Variants in ISYNA1 observed in about 807,000 individuals in gnomAD.
The protein encoded by ISYNA1 is inositol-3-phosphate synthase 1, also known as MI-1-P synthase.
A neutral mutation model predicts 50.3 loss-of-function variants in ISYNA1; 34 were observed. The ratio of observed to expected loss-of-function variants is 0.68; its 90% CI spans 0.51 to 0.90. The LOEUF is 0.90. ISYNA1 is among the 40% of genes least tolerant of loss of function. The probability of loss-of-function intolerance (pLI) is 0.00; values close to 1 mark genes in which losing one functional copy is unlikely to be tolerated. For missense variants in ISYNA1, 718 were observed against 784.8 expected, an observed-to-expected ratio of 0.91 and a Z score of 1.02; for synonymous variants, 396 against 349.9, an observed-to-expected ratio of 1.13 and a Z score of -1.47.
Position 18,436,961 on chromosome 19 carries a change from G to C in ISYNA1, c.415+12C>G. On this transcript the variant is annotated intron_variant, in intron 4 of 10. Coordinates refer to ENST00000338128, the MANE Select transcript of ISYNA1 (RefSeq NM_016368.5). ...CCCATCCCGCCCCACCCCGGCCCAG[G>C]GCTCCGCCCACCATCGAACACGAGG... The C allele has an allele frequency of 6.2e-7, 1 of 1,607,288 alleles. No individual in the cohort carries two copies. The highest frequency in any genetic ancestry group is 8.5e-7 in the Non-Finnish European group (1 of 1,177,208).
Position 18,436,767 on chromosome 19 carries a change from G to T in ISYNA1, c.526C>A (p.Pro176Thr). 6.3e-7 allele frequency: 1 copy of T among 1,576,168 alleles called. No homozygotes were observed. Among genetic ancestry groups the T allele is most frequent in the Admixed American group, 2.0e-5 (1 of 50,120 alleles). ...ATGAATTCGGGGATGTAAACAGAAG[G>T]CCGGGGCCGCAGGGCCTCCATGTGC... ...WPHMEALRPRPSVYIPEFIAA... is the reference protein window; with the variant it reads ...WPHMEALRPRTSVYIPEFIAA... The change falls in exon 5 of 11, where the codon CCT (proline) becomes ACT (threonine). Residue 176 changes from proline to threonine, a missense_variant. Pro to Thr is a conservative substitution (Grantham distance 38). This residue lies in a region of ISYNA1 where 403 missense variants were observed against 466.6 expected (regional missense o/e 0.86). Coordinates refer to ENST00000338128, the MANE Select transcript of ISYNA1 (RefSeq NM_016368.5).
At position 18,437,027 on chromosome 19, in the gene ISYNA1, C is replaced by T; in HGVS notation, c.361G>A (p.Val121Ile). Residue 121 changes from valine to isoleucine, a missense_variant, in exon 4 of 11, where the codon GTA becomes ATA. Around this residue, in one of 3 missense-constraint regions of ISYNA1, gnomAD observed 403 missense variants for 466.6 expected, o/e 0.86. Coordinates refer to ENST00000338128, the MANE Select transcript of ISYNA1 (RefSeq NM_016368.5). Reference sequence around the variant, plus strand: ...ATGGGCAGCACCGCGCTGAAGGGTACGAACACCTCCTGGCCCTCGGCGTCC... The same window carrying T: ...ATGGGCAGCACCGCGCTGAAGGGTATGAACACCTCCTGGCCCTCGGCGTCC... ...GLDAEGQEVFVPFSAVLPMVA... is the reference protein window; with the variant it reads ...GLDAEGQEVFIPFSAVLPMVA... 1.2e-6 allele frequency: 2 copies of T among 1,610,432 alleles called. No individual in the cohort carries two copies. The highest frequency in any genetic ancestry group is 1.7e-4 in the Middle Eastern group (1 of 5,996).
Position 18,436,827 on chromosome 19 carries a change from C to G in ISYNA1, c.466G>C (p.Val156Leu), listed in dbSNP as rs1974073085. 6.3e-7 allele frequency: 1 copy of G among 1,594,648 alleles called. No homozygotes were observed. Among genetic ancestry groups the G allele is most frequent in the Non-Finnish European group, 8.5e-7 (1 of 1,173,810 alleles). ...NLAEAMRRAKVLDWGLQEQLW... is the reference protein window; with the variant it reads ...NLAEAMRRAKLLDWGLQEQLW... ...TGCTCCTGCAGCCCCCAGTCCAGCA[C>G]CTTCGCGCGCCGCATCGCCTCGGCC... The change falls in exon 5 of 11, where the codon GTG becomes CTG. Residue 156 changes from valine to leucine, a missense_variant. Val to Leu is a conservative substitution (Grantham distance 32). This residue lies in a region of ISYNA1 where 403 missense variants were observed against 466.6 expected (regional missense o/e 0.86). Coordinates refer to ENST00000338128, the MANE Select transcript of ISYNA1 (RefSeq NM_016368.5).
At chr19:18,436,273 C>T (rs1974024112) in intron 6 of ISYNA1, 26 bp from the exon 7 acceptor site, 5 of 1,608,080 alleles carry the variant, frequency 3.1e-6, no homozygotes, top group African/African-American at 1.3e-5. Flanking sequence ...GCAGTCAGCA[C>T]AGAGCTGTGT....
chr19:18,437,349 C>A, intron 3 of ISYNA1: 1 of 1,379,338 alleles, frequency 7.2e-7, no homozygotes, highest in Non-Finnish European at 9.4e-7. Flanking sequence ...TCCACGGGGT[C>A]CGCCTGCAGC....
Position 18,435,782 on chromosome 19 carries a change from G to A in ISYNA1, c.1115C>T (p.Thr372Met), listed in dbSNP as rs752367466. Residue 372 changes from threonine to methionine, a missense_variant, in exon 8 of 11, where the codon ACG becomes ATG. Coordinates refer to ENST00000338128, the MANE Select transcript of ISYNA1 (RefSeq NM_016368.5). The stretch of plus-strand genomic sequence containing the variant: ...GCAGTGGTCAGGCTCTTCGCCGGGC[G>A]TATAGAGCACTGGGTTGCTCTGCAC... ...DMVQSNPVLY[T>M]PGEEPDHCVV... is the part of the protein sequence containing the mutation. 1.9e-6 allele frequency: 3 copies of A among 1,613,538 alleles called. No homozygotes were observed. The highest frequency in any genetic ancestry group is 4.5e-5 in the East Asian group (2 of 44,886).
At chr19:18,437,223 A>T in intron 3 of ISYNA1, 118 bp from the exon 4 acceptor site, 3 of 1,451,602 alleles carry the variant, frequency 2.1e-6, no homozygotes, top group Non-Finnish European at 2.7e-6. Flanking sequence ...TTTCAGTTCC[A>T]GGCTCACAGC....
In ISYNA1 at chr19:18,435,019, G is replaced by A. The variant is rs1003258871; in HGVS notation, c.1571C>T (p.Thr524Ile). The change falls in exon 11 of 11, where the codon ACC (threonine) becomes ATC (isoleucine). Residue 524 changes from threonine (T) to isoleucine (I), a missense_variant. By Grantham distance (89) the Thr-to-Ile change is moderately conservative (BLOSUM62 -1). Around this residue, in one of 3 missense-constraint regions of ISYNA1, gnomAD observed 305 missense variants for 292.6 expected, o/e 1.04. Coordinates refer to ENST00000338128, the MANE Select transcript of ISYNA1 (RefSeq NM_016368.5). ...SLKRVGPVAA[T>I]YPMLNKKGPV... is the part of the protein sequence containing the mutation. ...TCCTTTCTTGTTCAACATAGGGTAG[G>A]TGGCAGCCACGGGTCCAACTCGCTT... 1.1e-5 allele frequency: 17 copies of A among 1,613,464 alleles called. No homozygotes were observed. The African/African-American group carries it at 1.1e-4, about 10-fold the overall frequency.
chr19:18,438,021 G>A, intron 1 of ISYNA1, 33 bp from the exon 2 acceptor site: 2 of 1,529,728 alleles, frequency 1.3e-6, no homozygotes, highest in South Asian at 1.2e-5. Flanking sequence ...GGGTCAGCGG[G>A]GACTCTAAGC....
At position 18,435,302 on chromosome 19, in the gene ISYNA1, A is replaced by G; in HGVS notation, c.1436T>C (p.Leu479Pro). Residue 479 changes from leucine to proline, a missense_variant, in exon 10 of 11, where the codon CTT becomes CCT. This residue lies in a region of ISYNA1 where 305 missense variants were observed against 292.6 expected (regional missense o/e 1.04). Transcript: ENST00000338128. ...VPPGSPVVNALFRQRSCIENI... is the reference protein window; with the variant it reads ...VPPGSPVVNAPFRQRSCIENI... ...CTCGATGCAGCTGCGCTGGCGGAAAAGCGCATTGACCACCGGGCTGCCGGG... is the reference window on the plus strand; with the variant it reads ...CTCGATGCAGCTGCGCTGGCGGAAAGGCGCATTGACCACCGGGCTGCCGGG... 3 of 1,607,544 alleles carry G rather than the reference A, an allele frequency of 1.9e-6. No homozygotes were observed. Among genetic ancestry groups the G allele is most frequent in the Non-Finnish European group, 2.5e-6 (3 of 1,179,770 alleles).
chr19:18,437,496 A>AAC, intron 3 of ISYNA1, 103 bp downstream of exon 3: 3 of 253,968 alleles, frequency 1.2e-5, no homozygotes, highest in Non-Finnish European at 1.5e-5. Flanking sequence ...CACCCCCTAC[A>AAC]GCCCCCCTGG....
intron 3 of ISYNA1, 153 bp downstream of exon 3, chr19:18,437,446 C>A: frequency 1.0e-6 from 1 of 994,508 alleles, no homozygotes; most frequent in Non-Finnish European, 1.3e-6. Context: ...CAGACCCGGG[C>A]AGGTCCCTCG....
rs1555726874 is a variant in ISYNA1 at position 18,435,165 on chromosome 19, A to G, written c.1473-48T>C. The G allele has an allele frequency of 6.9e-6, 11 of 1,603,148 alleles. No individual in the cohort carries two copies. In the South Asian group the frequency reaches 8.8e-5, roughly 13 times the overall value. On this transcript the variant is annotated intron_variant, in intron 10 of 10. Transcript: ENST00000338128. ...CAGAGCCAGACACCCACAGGGAGAA[A>G]GGGGGGGTATCCCTGCCACCTACAG...
In ISYNA1 at chr19:18,435,133, A is replaced by G. The variant is rs779375834; in HGVS notation, c.1473-16T>C. 10 of 1,611,962 alleles carry G rather than the reference A, an allele frequency of 6.2e-6. No homozygotes were observed. The African/African-American group carries it at 1.2e-4, about 19-fold the overall frequency. On this transcript the variant is annotated splice_polypyrimidine_tract_variant and intron_variant, in intron 10 of 10. Coordinates refer to ENST00000338128, the MANE Select transcript of ISYNA1 (RefSeq NM_016368.5). Reference sequence around the variant, plus strand: ...CACGCAGGCCCTGGAGAGGTCACACAGCTTAGCAGAGCCAGACACCCACAG... The same window carrying G: ...CACGCAGGCCCTGGAGAGGTCACACGGCTTAGCAGAGCCAGACACCCACAG...
chr19:18,435,964 C>T (rs1386587283), intron 7 of ISYNA1, 43 bp from the exon 8 acceptor site: 2 of 1,612,992 alleles, frequency 1.2e-6, no homozygotes, highest in South Asian at 2.2e-5. Context: ...GGCCCTGCGG[C>T]CCCACAAGCC....
intron 3 of ISYNA1, 61 bp downstream of exon 3, chr19:18,437,538 G>T (rs1974111203): frequency 2.4e-6 from 1 of 422,256 alleles, no homozygotes; most frequent in Non-Finnish European, 3.0e-6. Flanking sequence ...GCAGGCTCCC[G>T]CCCCCGCCCG....
Position 18,435,366 on chromosome 19 carries a change from A to G in ISYNA1, c.1372T>C (p.Ser458Pro), listed in dbSNP as rs748039912. The change falls in exon 10 of 11, where the codon TCC (serine) becomes CCC (proline). Residue 458 changes from serine (S) to proline (P), a missense_variant. Transcript: ENST00000338128. ...PEPQTFHPVL[S>P]LLSFLFKAPL... ...GCCTTGAAGAGGAAGCTGAGCAGGG[A>G]CAGCACGGGGTGGAAGGTCTGCGGC... is the stretch of plus-strand genomic sequence containing the variant. 6.2e-7 allele frequency: 1 copy of G among 1,611,264 alleles called. No homozygotes were observed. Among genetic ancestry groups the G allele is most frequent in the Admixed American group, 1.7e-5 (1 of 60,024 alleles).
In ISYNA1 at chr19:18,438,094, G is replaced by GGC; in HGVS notation, c.-13_-12dup. On this transcript the variant is annotated splice_region_variant and 5_prime_UTR_variant, in exon 1 of 11. Transcript: ENST00000338128. Reference sequence around the variant, plus strand: ...GTCCCTGCCCCGAACCGCACTCACCGGCGCAGAGTCGACTCAGGCAGCGGC... The same window carrying GGC: ...GTCCCTGCCCCGAACCGCACTCACCGGCGCGCAGAGTCGACTCAGGCAGCGGC... The GGC allele has an allele frequency of 8.8e-7, 1 of 1,139,858 alleles. No individual in the cohort carries two copies. Among genetic ancestry groups the GGC allele is most frequent in the Non-Finnish European group, 1.2e-6 (1 of 853,898 alleles). The allele number at this position is 1,139,858 out of a possible 1,614,324, so 70.6% of individuals were successfully genotyped here.
intron 3 of ISYNA1, 187 bp downstream of exon 3, chr19:18,437,412 G>A: frequency 4.6e-6 from 4 of 873,868 alleles, no homozygotes; most frequent in Non-Finnish European, 5.8e-6. Context: ...GCCCCCTGCA[G>A]GTCCCTCGCC....
Sources: gnomAD v4.1 joint callset for allele counts on GRCh38, gnomAD v4.1.1 for gene constraint, gnomAD v4.1.1 regional missense constraint, MANE v1.5 for transcripts, NCBI Gene and HGNC (gene_info 2026-07-23, HGNC 2026-07-21) for gene names.